The following ZSCAN25 variants were observed in gnomAD, a reference collection of about 807,000 sequenced individuals.
The protein encoded by ZSCAN25 is zinc finger and SCAN domain containing 25.
A neutral mutation model predicts 38.7 loss-of-function variants in ZSCAN25; 27 were observed. The observed-to-expected ratio is 0.70, with a 90% CI of 0.51 to 0.96. ZSCAN25 has a LOEUF of 0.96. Ranked by LOEUF, ZSCAN25 falls within the 40% of genes least tolerant of loss-of-function variation. ZSCAN25 has a pLI of 0.00. For synonymous variants in ZSCAN25, 273 were observed against 277.7 expected (o/e 0.98, Z 0.17); for missense variants, 637 against 705.9 (o/e 0.90, Z 1.11).
the ZSCAN25 span, among the ~76,000 whole-genome samples, chr7:99,729,528 C>T: frequency 6.6e-6 from 1 of 152,146 alleles, no homozygotes; most frequent in Non-Finnish European, 1.5e-5. Flanking sequence ...TGAGCCCAAG[C>T]CTGCACGTGT....
the ZSCAN25 span, among the ~76,000 whole-genome samples, chr7:99,701,022 A>G: frequency 2.0e-5 from 3 of 152,228 alleles, no homozygotes; most frequent in Admixed American, 1.3e-4. Context: ...GGAAGATACT[A>G]TGTATCAGAA....
chr7:99,631,309 T>C lies in ZSCAN25; in HGVS notation c.*1289T>C. On this transcript the variant is annotated 3_prime_UTR_variant, in exon 8 of 8. Transcript: ENST00000394152. ...ATGATGAGCTGGTAGCGACCTGTTT[T>C]GCATGAGTGCCAAGTCAGGAAAAAT... is the stretch of plus-strand genomic sequence containing the variant. 1 of 985,420 alleles carries C rather than the reference T, an allele frequency of 1.0e-6. No homozygotes were observed. The highest frequency in any genetic ancestry group is 1.2e-6 in the Non-Finnish European group (1 of 829,932). 61.0% of individuals were successfully genotyped at this position (985,420 alleles called of 1,614,324 possible). A position where few individuals can be genotyped will look rare whatever the true frequency, so the allele number is the denominator to read the frequency against.
downstream of ZSCAN25, among the ~76,000 whole-genome samples, chr7:99,637,107 TA>T: frequency 6.6e-6 from 1 of 152,320 alleles, no homozygotes; most frequent in Non-Finnish European, 1.5e-5. Flanking sequence ...CACACATCTA[TA>T]AAAAATGACT....
At chr7:99,650,569 A>T in the ZSCAN25 span, among the ~76,000 whole-genome samples, 1 of 152,234 alleles carries the variant, frequency 6.6e-6, no homozygotes, top group Non-Finnish European at 1.5e-5. Context: ...TGATGGATGG[A>T]AAAGTGGATT....
the ZSCAN25 span, chr7:99,735,183 C>G: frequency 6.6e-7 from 1 of 1,526,066 alleles, no homozygotes; most frequent in Non-Finnish European, 9.0e-7. Context: ...AGCTTTCCTG[C>G]CCTGCACAGC....
chr7:99,699,623 A>T, the ZSCAN25 span, among the ~76,000 whole-genome samples: 1 of 152,090 alleles, frequency 6.6e-6, no homozygotes, highest in Non-Finnish European at 1.5e-5. Context: ...TGAGGATCAC[A>T]CTTCTCGTCT....
the ZSCAN25 span, among the ~76,000 whole-genome samples, chr7:99,665,927 A>T: frequency 6.6e-6 from 1 of 152,026 alleles, no homozygotes; most frequent in South Asian, 2.1e-4. Context: ...TGTTCTGGTT[A>T]AAAAAAATAG....
the ZSCAN25 span, chr7:99,663,409 C>T: frequency 7.1e-6 from 7 of 990,596 alleles, no homozygotes; most frequent in African/African-American, 1.7e-5. Flanking sequence ...AGACATCCTT[C>T]GGCTGGCCTC....
chr7:99,717,460 C>T, the ZSCAN25 span: 1 of 1,601,612 alleles, frequency 6.2e-7, no homozygotes, highest in Non-Finnish European at 8.5e-7. Context: ...TCTGATCTTA[C>T]TTTCTACCTG....
chr7:99,677,269 G>T, the ZSCAN25 span: 1 of 984,944 alleles, frequency 1.0e-6, no homozygotes, highest in African/African-American at 1.7e-5. Context: ...GAAGGAAGAG[G>T]TTGCCAGACA....
At chr7:99,722,346 G>A in the ZSCAN25 span, 23 of 1,613,446 alleles carry the variant, frequency 1.4e-5, no homozygotes, top group East Asian at 4.2e-4. Flanking sequence ...ACGTCCAATA[G>A]CCCTGGGAGG....
At chr7:99,648,168 T>C in the ZSCAN25 span, 1 of 1,411,676 alleles carries the variant, frequency 7.1e-7, no homozygotes, top group African/African-American at 1.4e-5. Flanking sequence ...TCAATGAATG[T>C]ACAAAATCAC....
chr7:99,685,669 G>GAC, the ZSCAN25 span, among the ~76,000 whole-genome samples: 2 of 152,028 alleles, frequency 1.3e-5, no homozygotes, highest in African/African-American at 4.8e-5. Flanking sequence ...CACACACACT[G>GAC]ACACACACAC....
the ZSCAN25 span, among the ~76,000 whole-genome samples, chr7:99,643,624 G>A: frequency 6.6e-6 from 1 of 151,952 alleles, no homozygotes; most frequent in African/African-American, 2.4e-5. Flanking sequence ...TTCTTGCCCT[G>A]CCAATCATCC....
At chr7:99,660,437 T>C in the ZSCAN25 span, 1 of 1,519,472 alleles carries the variant, frequency 6.6e-7, no homozygotes, top group Non-Finnish European at 8.8e-7. Context: ...TGGGGAGTGG[T>C]GAGGAGGCAT....
the ZSCAN25 span, chr7:99,715,776 G>T: frequency 6.2e-7 from 1 of 1,613,838 alleles, no homozygotes; most frequent in Non-Finnish European, 8.5e-7. Flanking sequence ...AGAACGAATG[G>T]ATCTAATGGA....
chr7:99,629,540 C>T lies in ZSCAN25; in HGVS notation c.1155C>T (p.Thr385=), dbSNP rs756217559. The T allele has an allele frequency of 2.5e-6, 4 of 1,614,154 alleles. No homozygotes were observed. In the East Asian group the frequency reaches 8.9e-5, roughly 36 times the overall value. Residue 385 remains threonine, a synonymous_variant, in exon 8 of 8, where the codon ACC becomes ACT. Coordinates refer to ENST00000394152, the MANE Select transcript of ZSCAN25 (RefSeq NM_145115.3). The surrounding 1 kb of genome is among the most constrained non-coding windows in gnomAD (Gnocchi z 5.6). The part of the protein sequence containing the change: ...YGCVECGKGF[T]LREYLMKHQR... ...GTGTGGAGTGTGGGAAGGGCTTTACCCTGAGAGAATACCTGATGAAGCACC... is the reference window on the plus strand; with the variant it reads ...GTGTGGAGTGTGGGAAGGGCTTTACTCTGAGAGAATACCTGATGAAGCACC...
In ZSCAN25 at chr7:99,630,226, C is replaced by T. The variant is rs1351543438; in HGVS notation, c.*206C>T. On this transcript the variant is annotated 3_prime_UTR_variant, in exon 8 of 8. Coordinates refer to ENST00000394152, the MANE Select transcript of ZSCAN25 (RefSeq NM_145115.3). ...ACCCAAGTGGTGCTAAACAATTTTT[C>T]TTCCAATGTTTGAGGGAAGCAGTCT... The T allele has an allele frequency of 5.9e-6, 8 of 1,351,470 alleles. No individual in the cohort carries two copies. The highest frequency in any genetic ancestry group is 2.8e-5 in the East Asian group (1 of 36,326). The allele number at this position is 1,351,470 out of a possible 1,614,324, so 83.7% of individuals were successfully genotyped here.
the ZSCAN25 span, among the ~76,000 whole-genome samples, chr7:99,699,069 C>T: frequency 6.6e-6 from 1 of 152,142 alleles, no homozygotes; most frequent in Non-Finnish European, 1.5e-5. Context: ...AGGAATCCCA[C>T]CAGTGAGAGG....
Sources: allele counts gnomAD v4.1 joint callset (sites outside exome capture counted in the v4.1 genomes callset), GRCh38; gene constraint gnomAD v4.1.1; non-coding constraint Gnocchi (gnomAD v3.1); transcripts MANE v1.5; gene names NCBI Gene and HGNC (gene_info 2026-07-23, HGNC 2026-07-21).